Variants in SRL observed in about 807,000 individuals in gnomAD.
SRL encodes the protein sarcalumenin.
Under a neutral mutation model 39.5 loss-of-function variants are expected in SRL, and 23 were observed. The ratio of observed to expected loss-of-function variants is 0.58; its 90% CI spans 0.42 to 0.82. SRL has a LOEUF of 0.82. Ranked by LOEUF, SRL falls within the 40% of genes least tolerant of loss-of-function variation. SRL has a pLI of 0.00. For synonymous variants in SRL, 272 were observed against 237.4 expected (o/e 1.15, Z -1.34); for missense variants, 592 against 607.8 (o/e 0.97, Z 0.27).
chr16:4,238,715 C>A (rs1295989382), intron 1 of SRL, among the ~76,000 whole-genome samples: 1 of 151,918 alleles, frequency 6.6e-6, no homozygotes, highest in East Asian at 1.9e-4. Context: ...CCTGACCACC[C>A]AGGTTCATGT....
At chr16:4,221,744 C>A (rs1005301462) in intron 1 of SRL, among the ~76,000 whole-genome samples, 1 of 152,166 alleles carries the variant, frequency 6.6e-6, no homozygotes, top group African/African-American at 2.4e-5. Flanking sequence ...AGAGGCCAGA[C>A]GTCTCAAATC....
Position 4,226,707 on chromosome 16 carries a change from T to A in SRL, c.61+15300A>T, listed in dbSNP as rs148163989. Among the ~76,000 whole-genome samples the A allele has an allele frequency of 7.4e-3, 1,106 of 149,760 alleles. 4 individuals are homozygous for A. The highest frequency in any genetic ancestry group is 0.011 in the Non-Finnish European group (742 of 66,996). On this transcript the variant is annotated intron_variant, in intron 1 of 5. Coordinates refer to ENST00000399609, the MANE Select transcript of SRL (RefSeq NM_001098814.2). Reference sequence around the variant, plus strand: ...ATGTGTGGATGAAGGAATGGAAGGATGAATGGAAGGAAATATGGATGAACA... The same window carrying A: ...ATGTGTGGATGAAGGAATGGAAGGAAGAATGGAAGGAAATATGGATGAACA...
chr16:4,193,622 T>A (rs2052096698), intron 5 of SRL, among the ~76,000 whole-genome samples: 1 of 152,162 alleles, frequency 6.6e-6, no homozygotes, highest in Admixed American at 6.5e-5. Flanking sequence ...AGAAGAACAA[T>A]ATCAACATCT....
In SRL at chr16:4,210,713, T is replaced by G. The variant is rs183058764; in HGVS notation, c.62-6079A>C. ...GGCTAGGCTGGTCTTGAACTCCTGA[T>G]CTCAAGGGATCCACCCACCTCAGCC... On this transcript the variant is annotated intron_variant, in intron 1 of 5. Coordinates refer to ENST00000399609, the MANE Select transcript of SRL (RefSeq NM_001098814.2). 9.5e-4 allele frequency among the ~76,000 whole-genome samples: 145 copies of G among 152,166 alleles called. 2 individuals carry two copies. Among genetic ancestry groups the G allele is most frequent in the Non-Finnish European group, 1.9e-3 (128 of 68,004 alleles).
intron 1 of SRL, among the ~76,000 whole-genome samples, chr16:4,229,287 C>CA (rs1056151835): frequency 6.6e-6 from 1 of 151,658 alleles, no homozygotes; most frequent in Non-Finnish European, 1.5e-5. Context: ...ACTGAAAATA[C>CA]AAAAAAATTA....
At chr16:4,205,592 G>T (rs2052308316) in intron 1 of SRL, among the ~76,000 whole-genome samples, 1 of 152,088 alleles carries the variant, frequency 6.6e-6, no homozygotes, top group African/African-American at 2.4e-5. Flanking sequence ...TAGGTGACCA[G>T]TGGAGAGAAG....
intron 1 of SRL, among the ~76,000 whole-genome samples, chr16:4,218,814 C>T (rs987505029): frequency 3.3e-5 from 5 of 152,338 alleles, no homozygotes; most frequent in Admixed American, 1.3e-4. Flanking sequence ...CCCAAGTCTA[C>T]GCAGAGTTAG....
intron 1 of SRL, among the ~76,000 whole-genome samples, chr16:4,240,783 C>T (rs532768259): frequency 6.6e-6 from 1 of 152,278 alleles, no homozygotes; most frequent in South Asian, 2.1e-4. Context: ...GAGAGGGTGG[C>T]AGCGGCTTGG....
At chr16:4,199,531 C>G (rs907291920) in intron 3 of SRL, among the ~76,000 whole-genome samples, 4 of 151,508 alleles carry the variant, frequency 2.6e-5, no homozygotes, top group African/African-American at 9.7e-5. Flanking sequence ...CCACCAAGCC[C>G]AGCTCATTTT....
rs145416712 is a variant in SRL, at chr16:4,217,046, A to C, written c.62-12412T>G. On this transcript the variant is annotated intron_variant, in intron 1 of 5. Transcript: ENST00000399609. Reference sequence around the variant, plus strand: ...TGAAGGGGTCAAGGAATCTGGGCCCACCCCATCCCCAATCCAGGGAAGCTG... The same window carrying C: ...TGAAGGGGTCAAGGAATCTGGGCCCCCCCCATCCCCAATCCAGGGAAGCTG... Among the ~76,000 whole-genome samples, 1,054 of 152,228 alleles carry C rather than the reference A, an allele frequency of 6.9e-3. 15 individuals are homozygous for C. The highest frequency in any genetic ancestry group is 0.023 in the African/African-American group (974 of 41,544).
chr16:4,204,520 C>T lies in SRL; in HGVS notation c.163+13G>A, dbSNP rs752496097. 1 of 1,544,004 alleles carries T rather than the reference C, an allele frequency of 6.5e-7. No homozygotes were observed. Among genetic ancestry groups the T allele is most frequent in the South Asian group, 1.1e-5 (1 of 88,254 alleles). ...CTCTCCCAGCCCTGGGCATATCTCCCTCCCCTGGTTACCAGAGTAGTCATC... is the reference window on the plus strand; with the variant it reads ...CTCTCCCAGCCCTGGGCATATCTCCTTCCCCTGGTTACCAGAGTAGTCATC... On this transcript the variant is annotated intron_variant, in intron 2 of 5. Coordinates refer to ENST00000399609, the MANE Select transcript of SRL (RefSeq NM_001098814.2).
At chr16:4,231,142 C>A (rs951701164) in intron 1 of SRL, among the ~76,000 whole-genome samples, 1 of 152,046 alleles carries the variant, frequency 6.6e-6, no homozygotes, top group Admixed American at 6.6e-5. Context: ...TGGCGAGAGC[C>A]CTGTCTCTAC....
chr16:4,242,025 GGAGC>G lies in SRL; in HGVS notation c.39_42del (p.Leu14CysfsTer18), dbSNP rs1567194631. On this transcript the variant is annotated frameshift_variant, in exon 1 of 6. Coordinates refer to ENST00000399609, the MANE Select transcript of SRL (RefSeq NM_001098814.2). LOFTEE classifies it high-confidence loss of function. ...GCCCTACCTGCTTGTCCTGAGAACA[GGAGC>G]GAGGCCAGGAGGCAGCCGAGCAGGA... The G allele has an allele frequency of 5.0e-6, 8 of 1,613,578 alleles. No individual in the cohort carries two copies. Among genetic ancestry groups the G allele is most frequent in the Non-Finnish European group, 6.8e-6 (8 of 1,179,900 alleles).
intron 1 of SRL, among the ~76,000 whole-genome samples, chr16:4,222,071 C>T (rs990366613): frequency 2.6e-5 from 4 of 152,176 alleles, no homozygotes; most frequent in Non-Finnish European, 4.4e-5. Flanking sequence ...TTGGGGGATG[C>T]AATCCAACCC....
At chr16:4,194,253 C>G (rs1338528793) in intron 5 of SRL, among the ~76,000 whole-genome samples, 3 of 152,208 alleles carry the variant, frequency 2.0e-5, no homozygotes, top group Non-Finnish European at 4.4e-5. Flanking sequence ...ATGGCCATCC[C>G]TCTCTGGAAC....
chr16:4,220,949 G>A (rs1441906920), intron 1 of SRL, among the ~76,000 whole-genome samples: 1 of 152,012 alleles, frequency 6.6e-6, no homozygotes, highest in Non-Finnish European at 1.5e-5. Context: ...TTGTGCCACT[G>A]CGCTCCAGCC....
chr16:4,220,355 C>T (rs181267077), intron 1 of SRL, among the ~76,000 whole-genome samples: 5 of 150,708 alleles, frequency 3.3e-5, no homozygotes, highest in South Asian at 2.1e-4. Flanking sequence ...GGCTGAGGCA[C>T]GAGAATTGCT....
intron 1 of SRL, among the ~76,000 whole-genome samples, chr16:4,229,799 T>C (rs546109344): frequency 1.3e-5 from 2 of 152,250 alleles, no homozygotes; most frequent in Admixed American, 1.3e-4. Context: ...CACTCAGAAG[T>C]TCTTCCTCTG....
At chr16:4,239,228 G>A (rs976589747) in intron 1 of SRL, among the ~76,000 whole-genome samples, 2 of 152,192 alleles carry the variant, frequency 1.3e-5, no homozygotes, top group African/African-American at 2.4e-5. Flanking sequence ...CTTCCTGACC[G>A]TCACTGCACC....
Sources: gnomAD v4.1 joint callset for allele counts (sites outside exome capture counted in the v4.1 genomes callset) on GRCh38, gnomAD v4.1.1 for gene constraint, MANE v1.5 for transcripts, NCBI Gene and HGNC (gene_info 2026-07-23, HGNC 2026-07-21) for gene names.